UBA1: variants seen among roughly 807,000 people sequenced by gnomAD.
UBA1 encodes the protein ubiquitin like modifier activating enzyme 1, also known as ubiquitin-like modifier-activating enzyme 1.
In UBA1, 4 loss-of-function variants were observed where a neutral mutation model predicts 84.7. The ratio of observed to expected loss-of-function variants is 0.05; its 90% CI spans 0.02 to 0.11. The LOEUF (loss-of-function observed/expected upper bound fraction) is 0.11, where lower values mean the gene tolerates loss of function less well. Ranked by LOEUF, UBA1 falls within the 10% of genes least tolerant of loss-of-function variation. The pLI, the probability that UBA1 is intolerant of heterozygous loss-of-function variation, is 1.00. For synonymous variants in UBA1, 364 were observed against 362.6 expected, an observed-to-expected ratio of 1.00 and a Z score of -0.04; for missense variants, 513 against 902.8, an observed-to-expected ratio of 0.57 and a Z score of 5.53.
At chrX:47,201,661 G>T in intron 8 of UBA1, 51 bp downstream of exon 8, 1 of 1,191,659 alleles carries the variant, frequency 8.4e-7, no homozygotes, top group Non-Finnish European at 1.1e-6. Context: ...ATATGTTCCT[G>T]GGTTCTGGCC....
At chrX:47,212,560 A>G (rs980664727) in intron 21 of UBA1, 48 bp downstream of exon 21, 2 of 1,110,172 alleles carry the variant, frequency 1.8e-6, no homozygotes, top group Non-Finnish European at 1.2e-6. Flanking sequence ...CAAAGCATAG[A>G]CAGGCTGGAG....
chrX:47,212,808 C>G lies in UBA1; in HGVS notation c.2591C>G (p.Ala864Gly). ...DSNFHMDFIV[A>G]ASNLRAENYD... ...AACTTTCATATGGATTTCATCGTGGCTGCATCCAACCTCCGGGCAGAAAAC... is the reference window on the plus strand; with the variant it reads ...AACTTTCATATGGATTTCATCGTGGGTGCATCCAACCTCCGGGCAGAAAAC... Residue 864 changes from alanine (A) to glycine (G), a missense_variant, in exon 22 of 26, where the codon GCT becomes GGT. This residue lies in a region of UBA1 where 151 missense variants were observed against 260.1 expected (regional missense o/e 0.58). Coordinates refer to ENST00000335972, the MANE Select transcript of UBA1 (RefSeq NM_003334.4). The G allele has an allele frequency of 8.3e-7, 1 of 1,211,669 alleles. No homozygotes were observed. The highest frequency in any genetic ancestry group is 1.1e-6 in the Non-Finnish European group (1 of 895,416).
rs1260625178 is a variant in UBA1 at position 47,200,007 on chromosome X, G to A, written c.480+393G>A. 2.7e-5 allele frequency among the ~76,000 whole-genome samples: 3 copies of A among 109,813 alleles called. No individual in the cohort carries two copies. The Admixed American group carries it at 2.9e-4, about 11-fold the overall frequency. On this transcript the variant is annotated intron_variant, in intron 5 of 25. Transcript: ENST00000335972. The stretch of plus-strand genomic sequence containing the variant: ...TCACTGTGTTAGCCAGGGTGGTCTC[G>A]ATCTCCTGACCTTGTGATCCGCCCG...
intron 1 of UBA1, among the ~76,000 whole-genome samples, 182 bp from the exon 2 acceptor site, chrX:47,198,621 G>A (rs1042566348): frequency 8.9e-6 from 1 of 111,927 alleles, no homozygotes; most frequent in African/African-American, 3.3e-5. Context: ...CCTGGGTTCA[G>A]ATCTTAGGTC....
intron 1 of UBA1, chrX:47,197,233 C>T (rs1936236844): frequency 4.0e-6 from 3 of 753,889 alleles, no homozygotes; most frequent in Non-Finnish European, 4.7e-6. Context: ...GGCAAACAGT[C>T]CCCCACCAGC....
At chrX:47,203,894 A>G (rs1049364849) in intron 14 of UBA1, among the ~76,000 whole-genome samples, 198 bp downstream of exon 14, 1 of 108,735 alleles carries the variant, frequency 9.2e-6, no homozygotes, top group Admixed American at 9.9e-5. Context: ...GACTACAGGC[A>G]TGCGCCACCA....
chrX:47,198,213 C>G, intron 1 of UBA1: 2 of 980,104 alleles, frequency 2.0e-6, no homozygotes, highest in Non-Finnish European at 2.6e-6. Flanking sequence ...ATGTCCAAGC[C>G]TCACTTCCCT....
upstream of UBA1, among the ~76,000 whole-genome samples, chrX:47,193,467 T>C (rs782553776): frequency 8.9e-6 from 1 of 111,939 alleles, no homozygotes; most frequent in Non-Finnish European, 1.9e-5. Flanking sequence ...TGGGGGTGTG[T>C]GGCTTCCATG....
chrX:47,197,905 C>T (rs188405724), intron 1 of UBA1: 1 of 765,493 alleles, frequency 1.3e-6, no homozygotes, highest in African/African-American at 2.2e-5. Flanking sequence ...ACAGGAGTAC[C>T]CTGAGGACAG....
At chrX:47,204,519 C>T (rs940999054) in intron 14 of UBA1, among the ~76,000 whole-genome samples, 1 of 111,457 alleles carries the variant, frequency 9.0e-6, no homozygotes, top group Admixed American at 9.6e-5. Flanking sequence ...GTCATGTAGG[C>T]GCCCCCTTCC....
intron 1 of UBA1, chrX:47,197,799 C>G (rs1172771713): frequency 4.5e-6 from 2 of 443,088 alleles, no homozygotes; most frequent in Non-Finnish European, 5.7e-6. Context: ...CTGGTCCCAG[C>G]TCAGTGTGTG....
At chrX:47,205,535 C>G in intron 14 of UBA1, 1 of 348,120 alleles carries the variant, frequency 2.9e-6, no homozygotes, top group South Asian at 2.6e-5. Flanking sequence ...TCTTCCCCAG[C>G]ATTAAGTAAA....
intron 16 of UBA1, chrX:47,209,248 G>A (rs782490129): frequency 2.5e-5 from 10 of 396,719 alleles, no homozygotes; most frequent in East Asian, 1.7e-4. Flanking sequence ...TCCGCCTCCC[G>A]GGTTCAAGAG....
At position 47,214,785 on chromosome X, in the gene UBA1, T is replaced by C. The variant is rs1937078237; in HGVS notation, c.3042-9T>C. On this transcript the variant is annotated splice_polypyrimidine_tract_variant and intron_variant, in intron 25 of 25. Transcript: ENST00000335972. ...TCCTGACCCTATACTCCCATCCCCC[T>C]ATCCCCAGGATGACAGAGATTGTGA... The C allele has an allele frequency of 8.3e-7, 1 of 1,210,389 alleles. No homozygotes were observed. Among genetic ancestry groups the C allele is most frequent in the East Asian group, 3.0e-5 (1 of 33,840 alleles).
intron 16 of UBA1, chrX:47,209,131 T>C (rs1390944795): frequency 3.6e-5 from 9 of 246,827 alleles, no homozygotes; most frequent in Non-Finnish European, 5.8e-5. Context: ...CACAGCACTA[T>C]TGTAACCACT....
In UBA1 at chrX:47,210,140, G is replaced by C. The variant is rs1936860629; in HGVS notation, c.2199+17G>C. 3 of 1,208,838 alleles carry C rather than the reference G, an allele frequency of 2.5e-6. No homozygotes were observed. In the Admixed American group the frequency reaches 6.5e-5, roughly 26 times the overall value. On this transcript the variant is annotated intron_variant, in intron 18 of 25. Transcript: ENST00000335972. ...CCTGACCAGGTAATGCCCAGTTGTT[G>C]GGTCCATTTGGCAGAATGTGTTTCC... is the stretch of plus-strand genomic sequence containing the variant.
At chrX:47,203,435 T>G in intron 13 of UBA1, 106 bp from the exon 14 acceptor site, 2 of 1,007,785 alleles carry the variant, frequency 2.0e-6, no homozygotes, top group Non-Finnish European at 2.8e-6. Flanking sequence ...AGATGTGGTG[T>G]TAGCCCCTCT....
chrX:47,193,282 AGT>A (rs782572074), upstream of UBA1, among the ~76,000 whole-genome samples: 17 of 110,873 alleles, frequency 1.5e-4, no homozygotes, highest in East Asian at 2.0e-3. Flanking sequence ...GACCTGGGAG[AGT>A]GTGTTTTCCC....
At chrX:47,208,459 C>T (rs1313552223) in intron 16 of UBA1, 8 of 111,881 alleles carry the variant, frequency 7.2e-5, no homozygotes, top group South Asian at 3.7e-4. Flanking sequence ...CCTCTGTGTC[C>T]GGCCTCTGTC....
Sources: allele counts gnomAD v4.1 joint callset (sites outside exome capture counted in the v4.1 genomes callset), GRCh38; gene constraint gnomAD v4.1.1; regional missense constraint gnomAD v4.1.1; transcripts MANE v1.5; gene names NCBI Gene and HGNC (gene_info 2026-07-23, HGNC 2026-07-21).